The following ADAMTS10 variants were observed in gnomAD, a reference collection of about 807,000 sequenced individuals.
The protein encoded by ADAMTS10 is A disintegrin and metalloproteinase with thrombospondin motifs 10.
Under a neutral mutation model 135.9 loss-of-function variants are expected in ADAMTS10, and 48 were observed. The observed-to-expected ratio is 0.35, with a 90% CI of 0.28 to 0.45. ADAMTS10 has a LOEUF of 0.45. Ranked by LOEUF, ADAMTS10 falls within the 20% of genes least tolerant of loss-of-function variation. ADAMTS10 has a pLI of 1.00. For synonymous variants in ADAMTS10, 621 were observed against 647.5 expected (o/e 0.96, Z 0.62); for missense variants, 1,131 against 1,565.2 (o/e 0.72, Z 4.68).
At chr19:8,603,240 C>T (rs1290938813) in intron 5 of ADAMTS10, among the ~76,000 whole-genome samples, 3 of 152,282 alleles carry the variant, frequency 2.0e-5, no homozygotes, top group East Asian at 3.9e-4. Context: ...GGTTCGCCGT[C>T]TGAGGATATG....
chr19:8,610,343 C>T (rs2042767206), intron 1 of ADAMTS10, among the ~76,000 whole-genome samples: 1 of 29,606 alleles, frequency 3.4e-5, no homozygotes, highest in Non-Finnish European at 1.1e-4. Context: ...ACTGTCCAAA[C>T]ACACAGACAC....
chr19:8,590,243 GTTCCAGGCTATGGAA>G (rs1428457486), intron 15 of ADAMTS10, among the ~76,000 whole-genome samples: 1 of 152,054 alleles, frequency 6.6e-6, no homozygotes, highest in East Asian at 1.9e-4. Context: ...TGGGTTTCTG[GTTCCAGGCTATGGAA>G]TCTTTCTTGC....
At chr19:8,588,412 C>T (rs1423748923) in intron 18 of ADAMTS10, among the ~76,000 whole-genome samples, 3 of 151,930 alleles carry the variant, frequency 2.0e-5, no homozygotes, top group Non-Finnish European at 4.4e-5. Flanking sequence ...GGCCAGGCTG[C>T]TTATTATAAA....
chr19:8,604,936 C>T, intron 4 of ADAMTS10, 76 bp downstream of exon 4: 1 of 1,437,244 alleles, frequency 7.0e-7, no homozygotes, highest in South Asian at 1.2e-5. Context: ...CCTTCTCTGC[C>T]CTCTATGTAG....
At chr19:8,607,935 C>T (rs1033661390) in intron 2 of ADAMTS10, among the ~76,000 whole-genome samples, 199 bp downstream of exon 2, 6 of 151,110 alleles carry the variant, frequency 4.0e-5, no homozygotes, top group South Asian at 2.1e-4. Context: ...TTCAGCCTCC[C>T]GAGTAGCTGG....
rs1376618299 is a variant in ADAMTS10, at chr19:8,596,652, G to A, written c.1041-67C>T. The A allele has an allele frequency of 3.8e-6, 6 of 1,580,424 alleles. No homozygotes were observed. The highest frequency in any genetic ancestry group is 5.2e-6 in the Non-Finnish European group (6 of 1,157,636). ...CCCTAAGCCCTGCTGATGCCACCATGCCCAGCTCTGGGGGTTGAGTCCTGC... is the reference window on the plus strand; with the variant it reads ...CCCTAAGCCCTGCTGATGCCACCATACCCAGCTCTGGGGGTTGAGTCCTGC... On this transcript the variant is annotated intron_variant, in intron 8 of 25. Transcript: ENST00000597188. The surrounding 1 kb of genome is among the most constrained non-coding windows in gnomAD (Gnocchi z 7.2).
At position 8,596,536 on chromosome 19, in the gene ADAMTS10, G is replaced by T; in HGVS notation, c.1084+6C>A. ...TAGGCGCCTGAAACCTACGGGGCTC[G>T]GGTACCTAGTGTGCCGCAGGGTTTG... On this transcript the variant is annotated splice_donor_region_variant and intron_variant, in intron 9 of 25. Coordinates refer to ENST00000597188, the MANE Select transcript of ADAMTS10 (RefSeq NM_030957.4). This position sits in a 1 kb window ranked among gnomAD's most constrained non-coding sequence, Gnocchi z 7.2. The T allele has an allele frequency of 6.2e-7, 1 of 1,613,974 alleles. No individual in the cohort carries two copies. Among genetic ancestry groups the T allele is most frequent in the Non-Finnish European group, 8.5e-7 (1 of 1,179,966 alleles).
At chr19:8,588,938 C>T (rs907215845) in intron 18 of ADAMTS10, among the ~76,000 whole-genome samples, 1 of 152,030 alleles carries the variant, frequency 6.6e-6, no homozygotes, top group Non-Finnish European at 1.5e-5. Context: ...ATTACAGGTG[C>T]TCGCCACCAC....
At chr19:8,590,061 G>C (rs1439096462) in intron 15 of ADAMTS10, 70 bp from the exon 16 acceptor site, 2 of 1,104,716 alleles carry the variant, frequency 1.8e-6, no homozygotes, top group Non-Finnish European at 2.7e-6. Flanking sequence ...GGGGTGCTCA[G>C]AGAAAGATGG....
intron 25 of ADAMTS10, among the ~76,000 whole-genome samples, chr19:8,584,154 C>CAAAAAAAAAAAAAAAAAAAAAAAAA (rs34412373): frequency 2.2e-5 from 1 of 44,892 alleles, no homozygotes; most frequent in African/African-American, 9.1e-5. Flanking sequence ...GACTCCATCT[C>CAAAAAAAAAAAAAAAAAAAAAAAAA]AAAAAAAAAA....
chr19:8,594,676 C>T (rs542845325), intron 12 of ADAMTS10, among the ~76,000 whole-genome samples: 1 of 152,290 alleles, frequency 6.6e-6, no homozygotes, highest in East Asian at 1.9e-4. Context: ...ATGGCTCAGT[C>T]CCTTCCTCTG....
At position 8,586,454 on chromosome 19, in the gene ADAMTS10, T is replaced by C. The variant is rs782633137; in HGVS notation, c.2420A>G (p.Glu807Gly). The C allele has an allele frequency of 2.5e-6, 4 of 1,613,728 alleles. No homozygotes were observed. Among genetic ancestry groups the C allele is most frequent in the Middle Eastern group, 1.6e-4 (1 of 6,062 alleles). Residue 807 changes from glutamate to glycine, a missense_variant, in exon 21 of 26, where the codon GAG becomes GGG. Transcript: ENST00000597188. ...SLIVMVLART[E>G]LPALRYRFNA... is the part of the protein sequence containing the mutation. ...GAAGCGGTAGCGGAGGGCAGGCAGC[T>C]CGGTCCGGGCCAGCACCTGGAGAAA...
At position 8,580,626 on chromosome 19, in the gene ADAMTS10, A is replaced by C. The variant is rs1480030303; in HGVS notation, c.*267T>G. The C allele has an allele frequency of 6.3e-5, 29 of 460,122 alleles. No individual in the cohort carries two copies. The highest frequency in any genetic ancestry group is 7.3e-5 in the Non-Finnish European group (18 of 248,214). 28.5% of individuals were successfully genotyped at this position (460,122 alleles called of 1,614,324 possible). A position where few individuals can be genotyped will look rare whatever the true frequency, so the allele number is the denominator to read the frequency against. ...GGGTTCAAAGGGTGCTGGGGTGAACAGCTGTCCCCTCCCCAGACCCACCCT... is the reference window on the plus strand; with the variant it reads ...GGGTTCAAAGGGTGCTGGGGTGAACCGCTGTCCCCTCCCCAGACCCACCCT... On this transcript the variant is annotated 3_prime_UTR_variant, in exon 26 of 26. Transcript: ENST00000597188.
In ADAMTS10 at chr19:8,585,573, A is replaced by G. The variant is rs1555736832; in HGVS notation, c.2748T>C (p.Ser916=). The G allele has an allele frequency of 6.2e-7, 1 of 1,606,384 alleles. No homozygotes were observed. Among genetic ancestry groups the G allele is most frequent in the East Asian group, 2.2e-5 (1 of 44,666 alleles). The change falls in exon 23 of 26, where the codon TCT becomes TCC. Residue 916 remains serine (S), a synonymous_variant. Transcript: ENST00000597188. ...CGTCCAGCGCCTTCTCCTCCGCGGC[A>G]GAGACGCGGCGCTGGCACACGACCG... ...SRSVVCQRRV[S]AAEEKALDDS... is the part of the protein sequence containing the mutation.
rs1555742477 is a variant in ADAMTS10 at position 8,605,668 on chromosome 19, C to G, written c.43G>C (p.Gly15Arg). Residue 15 changes from glycine to arginine, a missense_variant, in exon 3 of 26, where the codon GGG (glycine) becomes CGG (arginine). By Grantham distance (125) the Gly-to-Arg change is moderately radical (BLOSUM62 -2). Around this residue, in one of 3 missense-constraint regions of ADAMTS10, gnomAD observed 306 missense variants for 344.4 expected, o/e 0.89. Transcript: ENST00000597188. This position sits in a 1 kb window ranked among gnomAD's most constrained non-coding sequence, Gnocchi z 7.7. ...GTGACCTCGAACATGAGGCCCAGCC[C>G]CAGGGCGAGGGCCCAGCGGAGGATC... ...CQILRWALAL[G>R]LGLMFEVTHA... 1 of 1,613,464 alleles carries G rather than the reference C, an allele frequency of 6.2e-7. No individual in the cohort carries two copies. The highest frequency in any genetic ancestry group is 8.5e-7 in the Non-Finnish European group (1 of 1,179,914).
rs781890252 is a variant in ADAMTS10 at position 8,603,866 on chromosome 19, C to T, written c.454G>A (p.Asp152Asn). The T allele has an allele frequency of 6.2e-7, 1 of 1,612,240 alleles. No homozygotes were observed. The highest frequency in any genetic ancestry group is 8.5e-7 in the Non-Finnish European group (1 of 1,178,462). ...CGGLHGLIVA[D>N]EEEYLIEPLH... ...GGCTCAATCAGGTACTCTTCCTCGT[C>T]TGCCACGATCAGGCCGTGCTGGGTT... The change falls in exon 5 of 26, where the codon GAC (aspartate) becomes AAC (asparagine). Residue 152 changes from aspartate to asparagine, a missense_variant. Physicochemically the swap from Asp to Asn is conservative, Grantham distance 23 (BLOSUM62 1). This residue lies in a region of ADAMTS10 where 306 missense variants were observed against 344.4 expected (regional missense o/e 0.89). Transcript: ENST00000597188.
intron 6 of ADAMTS10, among the ~76,000 whole-genome samples, chr19:8,598,822 G>A (rs1005959824): frequency 4.6e-5 from 7 of 151,724 alleles, no homozygotes; most frequent in Non-Finnish European, 7.4e-5. Context: ...TGATCCACCC[G>A]CCTCGGCCTC....
Position 8,585,161 on chromosome 19 carries a change from C to T in ADAMTS10, c.3013G>A (p.Ala1005Thr). 1 of 1,411,216 alleles carries T rather than the reference C, an allele frequency of 7.1e-7. No homozygotes were observed. The highest frequency in any genetic ancestry group is 9.2e-7 in the Non-Finnish European group (1 of 1,088,328). The allele number at this position is 1,411,216 out of a possible 1,614,324, so 87.4% of individuals were successfully genotyped here. The change falls in exon 24 of 26, where the codon GCC (alanine) becomes ACC (threonine). Residue 1005 changes from alanine to threonine, a missense_variant. Ala to Thr is a moderately conservative substitution (Grantham distance 58). Coordinates refer to ENST00000597188, the MANE Select transcript of ADAMTS10 (RefSeq NM_030957.4). Reference sequence around the variant, plus strand: ...CCCCACTCGCCAGCCACCCAGCGGGCCGGGGGGCAGCGGCGCAAGTTGCAG... The same window carrying T: ...CCCCACTCGCCAGCCACCCAGCGGGTCGGGGGGCAGCGGCGCAAGTTGCAG... Reference protein sequence around the residue: ...MRCNLRRCPPARWVAGEWGEC... With the variant: ...MRCNLRRCPPTRWVAGEWGEC...
At position 8,590,820 on chromosome 19, in the gene ADAMTS10, T is replaced by C. The variant is rs530331642; in HGVS notation, c.1798-829A>G. On this transcript the variant is annotated intron_variant, in intron 15 of 25. Coordinates refer to ENST00000597188, the MANE Select transcript of ADAMTS10 (RefSeq NM_030957.4). Reference sequence around the variant, plus strand: ...CATGTTGGCCAGGATGGTCTCGAACTCCTGACCTCAGGTGATCTGCCTGCC... The same window carrying C: ...CATGTTGGCCAGGATGGTCTCGAACCCCTGACCTCAGGTGATCTGCCTGCC... Among the ~76,000 whole-genome samples, 4 of 152,270 alleles carry C rather than the reference T, an allele frequency of 2.6e-5. No individual in the cohort carries two copies. In the East Asian group the frequency reaches 7.7e-4, roughly 29 times the overall value.
Sources: gnomAD v4.1 joint callset for allele counts (sites outside exome capture counted in the v4.1 genomes callset) on GRCh38, gnomAD v4.1.1 for gene constraint, gnomAD v4.1.1 regional missense constraint, Gnocchi (gnomAD v3.1) non-coding constraint, MANE v1.5 for transcripts, NCBI Gene and HGNC (gene_info 2026-07-23, HGNC 2026-07-21) for gene names.